Variants in PXDNL observed in about 807,000 individuals in gnomAD.
The protein encoded by PXDNL is peroxidasin like.
Under a neutral mutation model 150.8 loss-of-function variants are expected in PXDNL, and 145 were observed. The observed-to-expected ratio is 0.96, with a 90% CI of 0.84 to 1.10. The LOEUF (loss-of-function observed/expected upper bound fraction) is 1.10. PXDNL is among the 50% of genes least tolerant of loss of function. The probability of loss-of-function intolerance (pLI) is 0.00; values close to 1 mark genes in which losing one functional copy is unlikely to be tolerated. For synonymous variants in PXDNL, 757 were observed against 725.7 expected (o/e 1.04, Z -0.69); for missense variants, 2,087 against 1,873.9 (o/e 1.11, Z -2.10).
intron 3 of PXDNL, among the ~76,000 whole-genome samples, chr8:51,588,311 T>C (rs1296097622): frequency 6.6e-6 from 1 of 152,238 alleles, no homozygotes; most frequent in Non-Finnish European, 1.5e-5. Context: ...CAATGGTTAC[T>C]TGGCAATGTT....
intron 1 of PXDNL, among the ~76,000 whole-genome samples, chr8:51,800,997 TCTGA>T: frequency 6.6e-6 from 1 of 152,206 alleles, no homozygotes; most frequent in East Asian, 1.9e-4. Context: ...CAACCAAAGG[TCTGA>T]CTGCCTGCGG....
intron 4 of PXDNL, among the ~76,000 whole-genome samples, chr8:51,504,520 T>C (rs992705002): frequency 2.6e-5 from 4 of 152,216 alleles, no homozygotes; most frequent in African/African-American, 9.6e-5. Flanking sequence ...CAGATCTTAC[T>C]GTGCTCTTTC....
chr8:51,374,726 T>A lies in PXDNL; in HGVS notation c.3563A>T (p.Tyr1188Phe). 1 of 1,613,746 alleles carries A rather than the reference T, an allele frequency of 6.2e-7. No homozygotes were observed. The highest frequency in any genetic ancestry group is 8.5e-7 in the Non-Finnish European group (1 of 1,179,794). Residue 1188 changes from tyrosine to phenylalanine, a missense_variant, in exon 18 of 23, where the codon TAC (tyrosine) becomes TTC (phenylalanine). Coordinates refer to ENST00000356297, the MANE Select transcript of PXDNL (RefSeq NM_144651.5). ...GAGGTCAATGTCACCTGGAGAGCCG[T>A]ACAACCTGGAACAGAGACAGGCAGA... ...SEIRQKLRKL[Y>F]GSPGDIDLWP... is the part of the protein sequence containing the mutation.
intron 5 of PXDNL, among the ~76,000 whole-genome samples, chr8:51,493,110 C>T (rs906302636): frequency 1.3e-5 from 2 of 152,192 alleles, no homozygotes; most frequent in African/African-American, 4.8e-5. Context: ...CAGGCAGCAA[C>T]ATTTGCTGCT....
intron 1 of PXDNL, among the ~76,000 whole-genome samples, chr8:51,666,582 C>A (rs1563500683): frequency 6.6e-6 from 1 of 152,104 alleles, no homozygotes; most frequent in South Asian, 2.1e-4. Flanking sequence ...AATGGGCGTA[C>A]CAAAGATACC....
chr8:51,445,559 T>C (rs1460352360), intron 12 of PXDNL, among the ~76,000 whole-genome samples: 1 of 152,214 alleles, frequency 6.6e-6, no homozygotes, highest in Non-Finnish European at 1.5e-5. Flanking sequence ...ACAGTGGTCT[T>C]AGAGAGTCGA....
intron 17 of PXDNL, among the ~76,000 whole-genome samples, chr8:51,386,795 T>C (rs1210008193): frequency 6.7e-6 from 1 of 149,922 alleles, no homozygotes; most frequent in Non-Finnish European, 1.5e-5. Flanking sequence ...CCAGCCTGAG[T>C]GACAGATGAC....
At chr8:51,664,172 C>T (rs914565786) in intron 1 of PXDNL, among the ~76,000 whole-genome samples, 3 of 151,986 alleles carry the variant, frequency 2.0e-5, no homozygotes, top group African/African-American at 4.8e-5. Flanking sequence ...CATTCATTGG[C>T]GTGTGAAAAT....
chr8:51,580,915 AT>A (rs1305427417), intron 3 of PXDNL, among the ~76,000 whole-genome samples: 1 of 152,122 alleles, frequency 6.6e-6, no homozygotes, highest in Non-Finnish European at 1.5e-5. Flanking sequence ...CTCCATAGAT[AT>A]TTTTTTGCAT....
chr8:51,355,924 C>T (rs1806491798), intron 19 of PXDNL, among the ~76,000 whole-genome samples: 1 of 152,120 alleles, frequency 6.6e-6, no homozygotes, highest in African/African-American at 2.4e-5. Context: ...AAGAAGAGTT[C>T]CTATGTTAAC....
At chr8:51,622,193 A>C (rs1445416537) in intron 2 of PXDNL, among the ~76,000 whole-genome samples, 1 of 152,124 alleles carries the variant, frequency 6.6e-6, no homozygotes, top group Admixed American at 6.6e-5. Context: ...AACCTCACCC[A>C]CTGGCCGGCA....
chr8:51,691,251 A>G (rs1014156940), intron 1 of PXDNL, among the ~76,000 whole-genome samples: 28 of 152,238 alleles, frequency 1.8e-4, no homozygotes, highest in African/African-American at 6.7e-4. Flanking sequence ...GCCCATGCCT[A>G]TGTCCTGAAT....
intron 4 of PXDNL, among the ~76,000 whole-genome samples, chr8:51,537,992 A>G (rs967173677): frequency 6.6e-6 from 1 of 152,220 alleles, no homozygotes; most frequent in African/African-American, 2.4e-5. Flanking sequence ...AGAATATTGT[A>G]TTACTATTTT....
At chr8:51,509,539 C>T (rs1184524008) in intron 4 of PXDNL, among the ~76,000 whole-genome samples, 3 of 152,010 alleles carry the variant, frequency 2.0e-5, no homozygotes, top group South Asian at 2.1e-4. Context: ...GTGTTAGCAG[C>T]GGCTGCCTTT....
chr8:51,633,261 T>C (rs559775456), intron 2 of PXDNL, among the ~76,000 whole-genome samples: 2 of 152,200 alleles, frequency 1.3e-5, no homozygotes, highest in Non-Finnish European at 2.9e-5. Flanking sequence ...TAGTAGTCCA[T>C]GGTGTATGTG....
intron 2 of PXDNL, among the ~76,000 whole-genome samples, chr8:51,619,664 C>T (rs975266552): frequency 6.6e-6 from 1 of 152,182 alleles, no homozygotes; most frequent in African/African-American, 2.4e-5. Flanking sequence ...GCCTTCTCCC[C>T]CTTAGCCTTC....
At chr8:51,428,146 G>A (rs1299608445) in intron 12 of PXDNL, among the ~76,000 whole-genome samples, 2 of 151,854 alleles carry the variant, frequency 1.3e-5, no homozygotes, top group Non-Finnish European at 2.9e-5. Flanking sequence ...GAAATAATTA[G>A]GTATAAATTT....
rs1352238132 is a variant in PXDNL, at chr8:51,426,713, A to G, written c.1571T>C (p.Val524Ala). ...ACATGAAATGTTTATATTCTTTCCAACCTCGACACTTGTATCCTGAGGAAG... is the reference window on the plus strand; with the variant it reads ...ACATGAAATGTTTATATTCTTTCCAGCCTCGACACTTGTATCCTGAGGAAG... ...TQLPQDTSVEVGKNINISCHA... is the reference protein window; with the variant it reads ...TQLPQDTSVEAGKNINISCHA... Residue 524 changes from valine to alanine, a missense_variant, in exon 13 of 23, where the codon GTT (valine) becomes GCT (alanine). Val to Ala is a moderately conservative substitution (Grantham distance 64). Transcript: ENST00000356297. The G allele has an allele frequency of 1.2e-6, 2 of 1,607,688 alleles. No homozygotes were observed. Among genetic ancestry groups the G allele is most frequent in the South Asian group, 1.1e-5 (1 of 89,742 alleles).
At chr8:51,504,857 C>G (rs1811253291) in intron 4 of PXDNL, among the ~76,000 whole-genome samples, 1 of 152,166 alleles carries the variant, frequency 6.6e-6, no homozygotes, top group Non-Finnish European at 1.5e-5. Context: ...TGGTATAAAG[C>G]AAAAGATGGG....
Sources: allele counts gnomAD v4.1 joint callset (sites outside exome capture counted in the v4.1 genomes callset), GRCh38; gene constraint gnomAD v4.1.1; transcripts MANE v1.5; gene names NCBI Gene and HGNC (gene_info 2026-07-23, HGNC 2026-07-21).